CSMD1: variants seen among roughly 807,000 people sequenced by gnomAD.
CSMD1 encodes CUB and sushi domain-containing protein 1.
CSMD1 carries 213 observed loss-of-function variants against 417.5 expected under a neutral mutation model. That is an observed-to-expected ratio of 0.51 (90% CI 0.46 to 0.57). The LOEUF is 0.57. Among genes scored for constraint, CSMD1 ranks in the 20% least tolerant of loss-of-function variants. The pLI is 0.00. For missense variants in CSMD1, 6,923 were observed against 4,529.7 expected (o/e 1.53, Z -15.17); for synonymous variants, 2,862 against 1,736.8 (o/e 1.65, Z -16.11).
At chr8:4,541,336 G>T (rs1160933685) in intron 2 of CSMD1, among the ~76,000 whole-genome samples, 1 of 152,106 alleles carries the variant, frequency 6.6e-6, no homozygotes, top group African/African-American at 2.4e-5. Context: ...AATTACAGTG[G>T]GTACTGCCTT....
At chr8:4,338,955 T>A (rs1233349466) in intron 3 of CSMD1, among the ~76,000 whole-genome samples, 2 of 152,036 alleles carry the variant, frequency 1.3e-5, no homozygotes, top group African/African-American at 4.8e-5. Context: ...TGAACATAGG[T>A]CTGGGCATAC....
chr8:3,511,985 T>C (rs1797093835), intron 10 of CSMD1, among the ~76,000 whole-genome samples: 1 of 151,814 alleles, frequency 6.6e-6, no homozygotes, highest in South Asian at 2.1e-4. Flanking sequence ...CAGTGAGGAC[T>C]CATGAGTTTA....
chr8:3,265,351 A>G (rs7832525), intron 26 of CSMD1, among the ~76,000 whole-genome samples: 59,300 of 152,172 alleles, frequency 0.39, 12,225 homozygotes, highest in Non-Finnish European at 0.46. Flanking sequence ...CACGATATTC[A>G]GCAACAGCCA....
intron 5 of CSMD1, among the ~76,000 whole-genome samples, chr8:3,969,087 C>A (rs1268908373): frequency 6.6e-6 from 1 of 152,080 alleles, no homozygotes; most frequent in Non-Finnish European, 1.5e-5. Flanking sequence ...CACATCTCTA[C>A]TAAAAATACA....
intron 12 of CSMD1, among the ~76,000 whole-genome samples, chr8:3,429,465 C>G (rs938651474): frequency 6.6e-6 from 1 of 152,138 alleles, no homozygotes; most frequent in Non-Finnish European, 1.5e-5. Context: ...CACTTGTACA[C>G]AGATGTTCAC....
intron 10 of CSMD1, among the ~76,000 whole-genome samples, chr8:3,531,278 T>C (rs1797969231): frequency 6.6e-6 from 1 of 152,208 alleles, no homozygotes; most frequent in Non-Finnish European, 1.5e-5. Context: ...TGGATATTAA[T>C]TATTATTATT....
intron 12 of CSMD1, among the ~76,000 whole-genome samples, chr8:3,429,170 C>A (rs73495436): frequency 0.1 from 15,848 of 152,102 alleles, 926 homozygotes; most frequent in African/African-American, 0.14. Flanking sequence ...TTCAAAATAG[C>A]TAGAAGAGAG....
At chr8:3,611,582 A>G (rs930093767) in intron 8 of CSMD1, among the ~76,000 whole-genome samples, 1 of 152,222 alleles carries the variant, frequency 6.6e-6, no homozygotes. Flanking sequence ...TTTCATTAGT[A>G]ATAAAATTGT....
chr8:4,299,318 T>G (rs1461249934), intron 3 of CSMD1, among the ~76,000 whole-genome samples: 2 of 152,202 alleles, frequency 1.3e-5, no homozygotes, highest in East Asian at 3.9e-4. Flanking sequence ...GAACGCACTT[T>G]TTAAATAATT....
Position 3,142,182 on chromosome 8 carries a change from G to A in CSMD1, c.6241+283C>T, listed in dbSNP as rs866084626. 1.5e-4 allele frequency among the ~76,000 whole-genome samples: 23 copies of A among 152,300 alleles called. 1 individual carries two copies. In the Middle Eastern group the frequency reaches 0.01, roughly 68 times the overall value. ...TAAAACTCCGGTCTCCCACACATCT[G>A]GCTCTGCGTGAATTACTCTTTCTCC... On this transcript the variant is annotated intron_variant, in intron 41 of 69. Coordinates refer to ENST00000635120, the MANE Select transcript of CSMD1 (RefSeq NM_033225.6).
intron 10 of CSMD1, among the ~76,000 whole-genome samples, chr8:3,508,685 G>A (rs1251842036): frequency 6.6e-6 from 1 of 151,964 alleles, no homozygotes; most frequent in African/African-American, 2.4e-5. Context: ...ATCTATTATG[G>A]AAAATTTTCT....
At chr8:4,812,880 C>G (rs1226671728) in intron 1 of CSMD1, among the ~76,000 whole-genome samples, 1 of 151,996 alleles carries the variant, frequency 6.6e-6, no homozygotes, top group African/African-American at 2.4e-5. Context: ...TTTATTACAC[C>G]CTTGAGAAAC....
intron 6 of CSMD1, among the ~76,000 whole-genome samples, chr8:3,713,270 T>C (rs764456365): frequency 3.3e-5 from 5 of 152,216 alleles, no homozygotes; most frequent in Non-Finnish European, 7.3e-5. Flanking sequence ...TCTAAGTGGT[T>C]AGGTTAAAAC....
intron 36 of CSMD1, among the ~76,000 whole-genome samples, chr8:3,182,495 G>A (rs1323458111): frequency 2.0e-5 from 3 of 152,014 alleles, no homozygotes; most frequent in Non-Finnish European, 4.4e-5. Flanking sequence ...GATTACAGGT[G>A]TGAGCCACTG....
chr8:3,562,486 T>G (rs1264159885), intron 10 of CSMD1, among the ~76,000 whole-genome samples: 2 of 144,374 alleles, frequency 1.4e-5, no homozygotes, highest in South Asian at 2.2e-4. Context: ...CACATTAAGG[T>G]TGAACACAGA....
At chr8:3,166,619 T>C (rs934875186) in intron 37 of CSMD1, among the ~76,000 whole-genome samples, 2 of 152,178 alleles carry the variant, frequency 1.3e-5, no homozygotes, top group Admixed American at 6.5e-5. Flanking sequence ...ATGTTTGCAT[T>C]GATTGAAAGT....
intron 3 of CSMD1, among the ~76,000 whole-genome samples, chr8:4,301,899 T>A (rs1797999722): frequency 6.6e-6 from 1 of 152,178 alleles, no homozygotes; most frequent in Non-Finnish European, 1.5e-5. Context: ...TCACTTCAAG[T>A]TTATTAGAAT....
At chr8:3,473,477 A>T (rs140670056) in intron 11 of CSMD1, among the ~76,000 whole-genome samples, 193 of 152,272 alleles carry the variant, frequency 1.3e-3, no homozygotes, top group African/African-American at 4.4e-3. Flanking sequence ...AAACAAAAGA[A>T]CTTTTGTTCC....
Position 3,320,985 on chromosome 8 carries a change from C to T in CSMD1, c.3632-12482G>A, listed in dbSNP as rs534365387. On this transcript the variant is annotated intron_variant, in intron 23 of 69. Coordinates refer to ENST00000635120, the MANE Select transcript of CSMD1 (RefSeq NM_033225.6). ...TAACCAACATTTTTGGAAATAAAGGCCGTGAGTTCCATCTCTTCCCCAAAA... is the reference window on the plus strand; with the variant it reads ...TAACCAACATTTTTGGAAATAAAGGTCGTGAGTTCCATCTCTTCCCCAAAA... Among the ~76,000 whole-genome samples, 14 of 152,240 alleles carry T rather than the reference C, an allele frequency of 9.2e-5. No individual in the cohort carries two copies. In the South Asian group the frequency reaches 2.7e-3, roughly 29 times the overall value.
Sources: gnomAD v4.1 joint callset for allele counts (sites outside exome capture counted in the v4.1 genomes callset) on GRCh38, gnomAD v4.1.1 for gene constraint, MANE v1.5 for transcripts, NCBI Gene and HGNC (gene_info 2026-07-23, HGNC 2026-07-21) for gene names.